COL6A5: variants seen among roughly 807,000 people sequenced by gnomAD.
COL6A5 encodes the protein collagen alpha-5(VI) chain.
COL6A5 carries 48 observed loss-of-function variants against 65.6 expected under a neutral mutation model. The observed-to-expected ratio is 0.73, with a 90% confidence interval of 0.58 to 0.93. The LOEUF (loss-of-function observed/expected upper bound fraction) is 0.93. Ranked by LOEUF, COL6A5 falls within the 40% of genes least tolerant of loss-of-function variation. The probability of loss-of-function intolerance (pLI) is 0.00; values close to 1 mark genes in which losing one functional copy is unlikely to be tolerated. For synonymous variants in COL6A5, 291 were observed against 322.8 expected (o/e 0.90, Z 1.05); for missense variants, 914 against 928.3 (o/e 0.98, Z 0.20).
At chr3:130,396,637 A>T (rs1480950636) in intron 8 of COL6A5, among the ~76,000 whole-genome samples, 1 of 152,176 alleles carries the variant, frequency 6.6e-6, no homozygotes, top group Admixed American at 6.5e-5. Flanking sequence ...CCTCTTTGAA[A>T]AATCAGAAGA....
At chr3:130,471,976 AT>A in intron 7 of COL6A5, 50 bp downstream of exon 40, 1 of 1,492,802 alleles carries the variant, frequency 6.7e-7, no homozygotes, top group Non-Finnish European at 8.9e-7. Flanking sequence ...CTTTGTTTGG[AT>A]TTTCCCCTGG....
intron 29 of COL6A5, among the ~76,000 whole-genome samples, chr3:130,424,271 A>G (rs16827618): frequency 0.036 from 5,528 of 152,230 alleles, 204 homozygotes; most frequent in East Asian, 0.16. Context: ...GGAGTTTACC[A>G]AAACCACTAT....
At chr3:130,456,267 G>A (rs1043554435) in intron 5 of COL6A5, among the ~76,000 whole-genome samples, 2 of 152,030 alleles carry the variant, frequency 1.3e-5, no homozygotes, top group Non-Finnish European at 2.9e-5. Flanking sequence ...TTGTAAAAAT[G>A]TAATAATTTC....
In COL6A5 at chr3:130,417,857, A is replaced by G. The variant is rs557129603; in HGVS notation, c.4888-1012A>G. On this transcript the variant is annotated intron_variant and NMD_transcript_variant, in intron 24 of 41. Transcript: ENST00000312481. ...CAAGGGGCCTGAGTTTTCCTTTTAC[A>G]CTGAGCCCAGCAAATTGTATCACGG... 2.0e-5 allele frequency among the ~76,000 whole-genome samples: 3 copies of G among 152,086 alleles called. No individual in the cohort carries two copies. In the South Asian group the frequency reaches 6.2e-4, roughly 32 times the overall value.
chr3:130,447,424 C>G (rs1030656933), intron 4 of COL6A5, among the ~76,000 whole-genome samples: 9 of 152,250 alleles, frequency 5.9e-5, no homozygotes, highest in Middle Eastern at 3.4e-3. Flanking sequence ...CTGTTTCCAG[C>G]TGAGAGCAAA....
rs78497537 is a variant in COL6A5 at position 130,354,470 on chromosome 3, C to CA, written c.-29+8492dup. Among the ~76,000 whole-genome samples, 1,510 of 152,272 alleles carry CA rather than the reference C, an allele frequency of 9.9e-3. 16 individuals carry two copies. Among genetic ancestry groups the CA allele is most frequent in the South Asian group, 0.081 (388 of 4,812 alleles). On this transcript the variant is annotated intron_variant and NMD_transcript_variant, in intron 1 of 41. Transcript: ENST00000312481. ...ACGTAGAACCCAATCCCTTCTTACT[C>CA]AAAGTGTTTTCCGAGAACCAACATT...
chr3:130,359,194 A>G (rs952313113), intron 1 of COL6A5, among the ~76,000 whole-genome samples: 1 of 152,186 alleles, frequency 6.6e-6, no homozygotes, highest in African/African-American at 2.4e-5. Flanking sequence ...TACATTTAGG[A>G]AGAATATTTG....
At chr3:130,388,548 TTA>T (rs1553748820) in intron 5 of COL6A5, 30 bp from the exon 6 acceptor site, 1 of 1,473,498 alleles carries the variant, frequency 6.8e-7, no homozygotes, top group Non-Finnish European at 9.0e-7. Flanking sequence ...TCCAACCTGG[TTA>T]TTTCTGGTCT....
chr3:130,391,576 A>G (rs1444930946), exon 7 of COL6A5: 23 of 1,551,600 alleles, frequency 1.5e-5, no homozygotes, highest in Non-Finnish European at 3.5e-6. Flanking sequence ...ATGACACAGC[A>G]TTGGAACTGA....
intron 7 of COL6A5, chr3:130,471,716 A>T: frequency 6.5e-7 from 1 of 1,534,642 alleles, no homozygotes; most frequent in Non-Finnish European, 8.7e-7. Flanking sequence ...AAAGACAGAA[A>T]ATGGTGATCT....
upstream of COL6A5, among the ~76,000 whole-genome samples, chr3:130,427,496 G>A (rs868181935): frequency 7.9e-5 from 12 of 152,266 alleles, 1 homozygote; most frequent in Middle Eastern, 0.024. Context: ...GGATGAGTAA[G>A]CAGAGGAGGA....
upstream of COL6A5, among the ~76,000 whole-genome samples, chr3:130,427,754 T>G (rs1393291916): frequency 6.6e-6 from 1 of 151,960 alleles, no homozygotes; most frequent in African/African-American, 2.4e-5. Context: ...GAGTTTCTGT[T>G]TCTTGGCAAA....
chr3:130,362,314 ATATATATATATATTTTT>A (rs1264818282), intron 1 of COL6A5, among the ~76,000 whole-genome samples: 252 of 15,496 alleles, frequency 0.016, 7 homozygotes, highest in African/African-American at 0.029. Context: ...ATATATATAT[ATATATATATATATTTTT>A]TTTTTTTTTT....
chr3:130,379,818 T>C (rs1404023408), exon 4 of COL6A5: 2 of 1,551,274 alleles, frequency 1.3e-6, no homozygotes, highest in Non-Finnish European at 1.7e-6. Flanking sequence ...AGGTGCATGA[T>C]GCTGCGCTGA....
chr3:130,478,015 C>A (rs1710140536), intron 7 of COL6A5, among the ~76,000 whole-genome samples: 1 of 151,972 alleles, frequency 6.6e-6, no homozygotes, highest in Non-Finnish European at 1.5e-5. Flanking sequence ...AGAGTTAATC[C>A]TGGAGCCAGC....
At chr3:130,391,230 G>A in exon 7 of COL6A5, 1 of 1,551,502 alleles carries the variant, frequency 6.4e-7, no homozygotes, top group Admixed American at 2.0e-5. Flanking sequence ...GATCATTCAG[G>A]TAGCATAAAA....
At chr3:130,380,022 T>C (rs1169320292) in exon 4 of COL6A5, 2 of 1,541,230 alleles carry the variant, frequency 1.3e-6, no homozygotes, top group Admixed American at 4.1e-5. Context: ...TTTCTACTTA[T>C]GCTGAACAAA....
At chr3:130,393,979 C>A (rs115108223) in intron 7 of COL6A5, among the ~76,000 whole-genome samples, 2,299 of 149,806 alleles carry the variant, frequency 0.015, 75 homozygotes, top group African/African-American at 0.054. Flanking sequence ...TCCGGGCAGC[C>A]CATCTTTGTG....
At chr3:130,431,544 A>T (rs1937806706) in exon 1 of COL6A5, 2 of 1,551,594 alleles carry the variant, frequency 1.3e-6, no homozygotes, top group Non-Finnish European at 1.7e-6. Flanking sequence ...GCTTTAATAA[A>T]ACACGGGACA....
Sources: gnomAD v4.1 joint callset for allele counts (sites outside exome capture counted in the v4.1 genomes callset) on GRCh38, gnomAD v4.1.1 for gene constraint, MANE v1.5 for transcripts, NCBI Gene and HGNC (gene_info 2026-07-23, HGNC 2026-07-21) for gene names.